DLGAP4: variants seen among roughly 807,000 people sequenced by gnomAD.
DLGAP4 encodes the protein disks large-associated protein 4.
In DLGAP4, 18 loss-of-function variants were observed where a neutral mutation model predicts 86.9. The ratio of observed to expected loss-of-function variants is 0.21; its 90% CI spans 0.14 to 0.31. The LOEUF (loss-of-function observed/expected upper bound fraction) is 0.31, where lower values mean the gene tolerates loss of function less well. Among genes scored for constraint, DLGAP4 ranks in the 10% least tolerant of loss-of-function variants. DLGAP4 has a pLI of 1.00. For synonymous variants in DLGAP4, 548 were observed against 574.3 expected, an observed-to-expected ratio of 0.95 and a Z score of 0.65; for missense variants, 1,085 against 1,362.6, an observed-to-expected ratio of 0.80 and a Z score of 3.21.
intron 8 of DLGAP4, chr20:36,498,434 T>C (rs947359942): frequency 2.0e-5 from 3 of 152,274 alleles, no homozygotes; most frequent in South Asian, 2.1e-4. Context: ...GACGCTCTTA[T>C]CTTCCCGGAA....
intron 1 of DLGAP4, among the ~76,000 whole-genome samples, chr20:36,357,309 C>G (rs982376781): frequency 6.6e-5 from 10 of 152,216 alleles, no homozygotes; most frequent in African/African-American, 2.4e-4. Flanking sequence ...CTCCAATGCC[C>G]TTCCCACTTT....
At position 36,432,372 on chromosome 20, in the gene DLGAP4, C is replaced by T. The variant is rs956282723; in HGVS notation, c.655C>T (p.Arg219Cys). 8.1e-6 allele frequency: 13 copies of T among 1,613,482 alleles called. No individual in the cohort carries two copies. Among genetic ancestry groups the T allele is most frequent in the East Asian group, 4.5e-5 (2 of 44,896 alleles). The change falls in exon 3 of 13, where the codon CGC (arginine) becomes TGC (cysteine). Residue 219 changes from arginine (R) to cysteine (C), a missense_variant. Arg to Cys is a radical substitution (Grantham distance 180). Coordinates refer to ENST00000339266, the MANE Select transcript of DLGAP4 (RefSeq NM_001365621.2). The surrounding 1 kb of genome is among the most constrained non-coding windows in gnomAD (Gnocchi z 6.5). ...CTTGGACGGCGAGGCCGGCGCCTTC[C>T]GCAGCAGTGGCCCAGCCTCTGGGCT... Reference protein sequence around the residue: ...DNLDGEAGAFRSSGPASGLMT... With the variant: ...DNLDGEAGAFCSSGPASGLMT...
chr20:36,496,600 G>T, intron 7 of DLGAP4, 105 bp from the exon 8 acceptor site: 1 of 1,495,328 alleles, frequency 6.7e-7, no homozygotes, highest in South Asian at 1.3e-5. Context: ...GCTAAGCCCA[G>T]AGCTAGGGCC....
rs370534053 is a variant in DLGAP4 at position 36,519,443 on chromosome 20, C to T, written c.2513-4807C>T. Among the ~76,000 whole-genome samples the T allele has an allele frequency of 5.3e-5, 8 of 152,204 alleles. No homozygotes were observed. The East Asian group carries it at 1.2e-3, about 22-fold the overall frequency. ...TTTTCTGTCTGTGTGCGTGCGTGTG[C>T]GTGCGTGCATGTACACACAGATTTT... On this transcript the variant is annotated intron_variant, in intron 10 of 12. Transcript: ENST00000339266.
intron 7 of DLGAP4, among the ~76,000 whole-genome samples, chr20:36,453,214 T>A (rs1318035896): frequency 2.0e-5 from 3 of 152,112 alleles, no homozygotes; most frequent in Non-Finnish European, 4.4e-5. Context: ...GGTGCTATAA[T>A]CCCAGCACCG....
rs773171320 is a variant in DLGAP4, at chr20:36,367,441, A to T, written c.-73+166A>T. Among the ~76,000 whole-genome samples, 59 of 152,190 alleles carry T rather than the reference A, an allele frequency of 3.9e-4. 1 individual carries two copies. Among genetic ancestry groups the T allele is most frequent in the Admixed American group, 3.3e-4 (5 of 15,276 alleles). On this transcript the variant is annotated intron_variant, in intron 2 of 12. Coordinates refer to ENST00000339266, the MANE Select transcript of DLGAP4 (RefSeq NM_001365621.2). ...CATTTATAGTTCAATGGCCTGTCTT[A>T]GCCAGTCCTCCCAACAACCAGGAGG...
At chr20:36,358,060 C>T (rs1329731155) in intron 1 of DLGAP4, among the ~76,000 whole-genome samples, 2 of 152,204 alleles carry the variant, frequency 1.3e-5, no homozygotes, top group East Asian at 3.8e-4. Flanking sequence ...GCCAGCTCTG[C>T]TGTCACTGGC....
At chr20:36,465,170 C>G (rs1023742328) in intron 7 of DLGAP4, 4 of 151,804 alleles carry the variant, frequency 2.6e-5, no homozygotes, top group East Asian at 3.9e-4. Flanking sequence ...CCATCCCCCC[C>G]ACCCCCGCAT....
intron 10 of DLGAP4, among the ~76,000 whole-genome samples, chr20:36,507,216 T>C (rs1288364175): frequency 6.6e-6 from 1 of 151,918 alleles, no homozygotes; most frequent in Non-Finnish European, 1.5e-5. Flanking sequence ...AAAGTTGTTT[T>C]TTTTTTGTTT....
intron 1 of DLGAP4, among the ~76,000 whole-genome samples, chr20:36,360,250 A>G (rs528238878): frequency 1.6e-4 from 24 of 152,318 alleles, no homozygotes; most frequent in African/African-American, 5.5e-4. Flanking sequence ...TAGAGCTGGT[A>G]TCTGACCCCA....
At chr20:36,417,257 C>T (rs567866216) in intron 2 of DLGAP4, among the ~76,000 whole-genome samples, 1 of 152,302 alleles carries the variant, frequency 6.6e-6, no homozygotes, top group Non-Finnish European at 1.5e-5. Flanking sequence ...GTGGATGGAA[C>T]AGCATGGGCA....
intron 1 of DLGAP4, among the ~76,000 whole-genome samples, chr20:36,331,176 T>C (rs1283650181): frequency 6.6e-6 from 1 of 152,190 alleles, no homozygotes; most frequent in Non-Finnish European, 1.5e-5. Context: ...GAGAAATAAA[T>C]GGGTCCTCCT....
chr20:36,464,406 A>G (rs2034244556), intron 7 of DLGAP4, among the ~76,000 whole-genome samples: 2 of 152,196 alleles, frequency 1.3e-5, no homozygotes. Context: ...CAAAAAATAC[A>G]AAAATTAGCT....
intron 7 of DLGAP4, chr20:36,461,770 C>A: frequency 1.0e-6 from 1 of 966,026 alleles, no homozygotes; most frequent in South Asian, 4.7e-5. Flanking sequence ...CCCGCCCGCC[C>A]GCGCTTCCGT....
intron 10 of DLGAP4, among the ~76,000 whole-genome samples, chr20:36,508,651 C>T (rs1038810467): frequency 5.9e-5 from 9 of 152,166 alleles, no homozygotes; most frequent in African/African-American, 2.2e-4. Flanking sequence ...TGGTCTTGAA[C>T]TCCCGACCTC....
At chr20:36,352,536 G>A (rs1315152334) in intron 1 of DLGAP4, among the ~76,000 whole-genome samples, 1 of 152,112 alleles carries the variant, frequency 6.6e-6, no homozygotes, top group African/African-American at 2.4e-5. Flanking sequence ...ACTGAGTGTG[G>A]GGCGAGAGAG....
rs1488823499 is a variant in DLGAP4 at position 36,528,244 on chromosome 20, T to TTCTC, written c.*1220_*1223dup. The TTCTC allele has an allele frequency of 6.6e-6, 1 of 151,656 alleles. No homozygotes were observed. The highest frequency in any genetic ancestry group is 1.5e-5 in the Non-Finnish European group (1 of 67,892). The allele number at this position is 151,656 out of a possible 1,614,324, so 9.4% of individuals were successfully genotyped here. On this transcript the variant is annotated 3_prime_UTR_variant, in exon 13 of 13. Coordinates refer to ENST00000339266, the MANE Select transcript of DLGAP4 (RefSeq NM_001365621.2). ...ATTTTTTTTTTAACCCCAATTATCCTTCTCTCTCTCCTGCCCCCGCATCCC... is the reference window on the plus strand; with the variant it reads ...ATTTTTTTTTTAACCCCAATTATCCTTCTCTCTCTCTCTCCTGCCCCCGCATCCC...
chr20:36,479,756 A>G lies in DLGAP4; in HGVS notation c.1649-16949A>G, dbSNP rs6068180. ...GTGGTCCCTACACTAAAATGTTAGA[A>G]TGGTGCTGCTACAGTGCGGTGTCGA... On this transcript the variant is annotated intron_variant, in intron 7 of 12. Coordinates refer to ENST00000339266, the MANE Select transcript of DLGAP4 (RefSeq NM_001365621.2). 6.9e-3 allele frequency among the ~76,000 whole-genome samples: 1,056 copies of G among 152,090 alleles called. 8 individuals carry two copies. The highest frequency in any genetic ancestry group is 0.015 in the South Asian group (70 of 4,822).
At chr20:36,352,580 G>A (rs782812910) in intron 1 of DLGAP4, among the ~76,000 whole-genome samples, 2 of 152,134 alleles carry the variant, frequency 1.3e-5, no homozygotes, top group Admixed American at 1.3e-4. Context: ...TTTTTGTCCC[G>A]AGAAAAAGAA....
Sources: allele counts gnomAD v4.1 joint callset (sites outside exome capture counted in the v4.1 genomes callset), GRCh38; gene constraint gnomAD v4.1.1; non-coding constraint Gnocchi (gnomAD v3.1); transcripts MANE v1.5; gene names NCBI Gene and HGNC (gene_info 2026-07-23, HGNC 2026-07-21).